The following CLMN variants were observed in gnomAD, a reference collection of about 807,000 sequenced individuals.
The protein encoded by CLMN is calmin (calponin-like, transmembrane).
A neutral mutation model predicts 92.7 loss-of-function variants in CLMN; 57 were observed. The observed-to-expected ratio is 0.61, with a 90% CI of 0.50 to 0.77. The LOEUF (loss-of-function observed/expected upper bound fraction) is 0.77. Among genes scored for constraint, CLMN ranks in the 30% least tolerant of loss-of-function variants. The pLI, the probability that CLMN is intolerant of heterozygous loss-of-function variation, is 0.00. For synonymous variants in CLMN, 466 were observed against 470.6 expected (o/e 0.99, Z 0.13); for missense variants, 1,158 against 1,237.5 (o/e 0.94, Z 0.96).
chr14:95,269,399 G>T (rs1445073577), intron 1 of CLMN, among the ~76,000 whole-genome samples: 2 of 152,004 alleles, frequency 1.3e-5, no homozygotes, highest in Admixed American at 6.5e-5. Context: ...TATTCAATAT[G>T]AGTATAATAT....
rs1896484018 is a variant in CLMN at position 95,188,230 on chromosome 14, C to T, written c.*3334G>A. 1 of 152,082 alleles carries T rather than the reference C, an allele frequency of 6.6e-6. No homozygotes were observed. Among genetic ancestry groups the T allele is most frequent in the East Asian group, 1.9e-4 (1 of 5,196 alleles). 9.4% of individuals were successfully genotyped at this position (152,082 alleles called of 1,614,324 possible). On this transcript the variant is annotated 3_prime_UTR_variant, in exon 13 of 13. Transcript: ENST00000298912. Reference sequence around the variant, plus strand: ...GATCACCATATATTTGAGAAAAATTCACAACGTGAAAGATAGAGACTGAGA... The same window carrying T: ...GATCACCATATATTTGAGAAAAATTTACAACGTGAAAGATAGAGACTGAGA...
chr14:95,193,735 A>G (rs1356126974), intron 12 of CLMN, 114 bp downstream of exon 12: 5 of 1,277,946 alleles, frequency 3.9e-6, no homozygotes, highest in Non-Finnish European at 5.5e-6. Flanking sequence ...ATCCCAAATT[A>G]TTAATACTGT....
Position 95,294,842 on chromosome 14 carries a change from C to T in CLMN, c.82+24869G>A, listed in dbSNP as rs982531910. ...GGCCACATCACTTATTCCTCTGCTG[C>T]CTCCTACTCTTGCTCCCGCTCCTTA... On this transcript the variant is annotated intron_variant, in intron 1 of 12. Transcript: ENST00000298912. This position sits in a 1 kb window ranked among gnomAD's most constrained non-coding sequence, Gnocchi z 4.2. 6.6e-6 allele frequency among the ~76,000 whole-genome samples: 1 copy of T among 152,226 alleles called. No individual in the cohort carries two copies. Among genetic ancestry groups the T allele is most frequent in the Non-Finnish European group, 1.5e-5 (1 of 68,030 alleles).
chr14:95,245,210 A>ATATATATATATATTATATATATATATAT (rs1369585311), intron 1 of CLMN, among the ~76,000 whole-genome samples: 1 of 24,176 alleles, frequency 4.1e-5, no homozygotes, highest in Non-Finnish European at 6.4e-5. Context: ...TATATATATT[A>ATATATATATATATTATATATATATATAT]TATATATATA....
intron 1 of CLMN, among the ~76,000 whole-genome samples, chr14:95,267,732 T>C (rs1189020484): frequency 1.3e-5 from 2 of 152,228 alleles, no homozygotes; most frequent in Non-Finnish European, 2.9e-5. Flanking sequence ...CATATTTATT[T>C]CAGCACTATT....
chr14:95,238,109 C>G (rs572511168), intron 1 of CLMN, among the ~76,000 whole-genome samples: 1 of 152,294 alleles, frequency 6.6e-6, no homozygotes, highest in Admixed American at 6.5e-5. Context: ...AGCCCTCAGA[C>G]GGCCCCTGCC....
At position 95,232,930 on chromosome 14, in the gene CLMN, G is replaced by A. The variant is rs149168662; in HGVS notation, c.83-2797C>T. Among the ~76,000 whole-genome samples the A allele has an allele frequency of 8.1e-4, 124 of 152,274 alleles. 2 individuals carry two copies. In the East Asian group the frequency reaches 0.016, roughly 19 times the overall value. Reference sequence around the variant, plus strand: ...GAAACAAGCATTGTATGAGCATCCTGGTTCTTTGTGCACAAACATATGAAT... The same window carrying A: ...GAAACAAGCATTGTATGAGCATCCTAGTTCTTTGTGCACAAACATATGAAT... On this transcript the variant is annotated intron_variant, in intron 1 of 12. Coordinates refer to ENST00000298912, the MANE Select transcript of CLMN (RefSeq NM_024734.4).
rs1404541179 is a variant in CLMN at position 95,204,253 on chromosome 14, C to T, written c.1096G>A (p.Gly366Ser). ...TCTGACAGCGCATGGCTGGAAACAC[C>T]ATCCAGGCGGAATTCCTTCATGCTC... ...PESMKEFRLD[G>S]VSSHALSDSS... The change falls in exon 9 of 13, where the codon GGT becomes AGT. Residue 366 changes from glycine (G) to serine (S), a missense_variant. Gly to Ser is a moderately conservative substitution (Grantham distance 56, BLOSUM62 0). Coordinates refer to ENST00000298912, the MANE Select transcript of CLMN (RefSeq NM_024734.4). 2.5e-6 allele frequency: 4 copies of T among 1,613,946 alleles called. No individual in the cohort carries two copies. The highest frequency in any genetic ancestry group is 2.5e-6 in the Non-Finnish European group (3 of 1,180,018).
chr14:95,281,078 T>C (rs1900127852), intron 1 of CLMN, among the ~76,000 whole-genome samples: 4 of 152,192 alleles, frequency 2.6e-5, no homozygotes, highest in Non-Finnish European at 5.9e-5. Context: ...AATATATTCA[T>C]AAATACCAGG....
chr14:95,248,735 A>G lies in CLMN; in HGVS notation c.83-18602T>C, dbSNP rs115065420. On this transcript the variant is annotated intron_variant, in intron 1 of 12. Transcript: ENST00000298912. ...AGTTCTTCCCTTCTGCAAGGGAAGA[A>G]TCCTGTCTTCAAAGTCTAAATGCCA... Among the ~76,000 whole-genome samples the G allele has an allele frequency of 5.7e-3, 865 of 152,322 alleles. 7 individuals are homozygous for G. The highest frequency in any genetic ancestry group is 0.02 in the African/African-American group (832 of 41,562).
At chr14:95,196,009 G>A (rs1595553100) in intron 10 of CLMN, among the ~76,000 whole-genome samples, 1 of 152,154 alleles carries the variant, frequency 6.6e-6, no homozygotes, top group African/African-American at 2.4e-5. Flanking sequence ...CTTGGAATGG[G>A]AATTGTGGAA....
intron 1 of CLMN, among the ~76,000 whole-genome samples, chr14:95,303,301 G>T (rs1470839145): frequency 1.3e-5 from 2 of 152,084 alleles, no homozygotes; most frequent in Non-Finnish European, 2.9e-5. Context: ...TCTCCCAAGG[G>T]GCCAAAGCAC....
intron 1 of CLMN, among the ~76,000 whole-genome samples, chr14:95,302,941 G>T (rs1295059821): frequency 6.6e-6 from 1 of 152,220 alleles, no homozygotes; most frequent in African/African-American, 2.4e-5. Flanking sequence ...GATAAGGGCT[G>T]CAGGATAAGC....
At chr14:95,192,072 G>GC (rs1896576605) in intron 12 of CLMN, 3 of 197,288 alleles carry the variant, frequency 1.5e-5, no homozygotes, top group Non-Finnish European at 3.1e-5. Flanking sequence ...CAGAGAGGGC[G>GC]CCTAGGCCAG....
chr14:95,234,043 A>T (rs921339088), intron 1 of CLMN, among the ~76,000 whole-genome samples: 1 of 152,226 alleles, frequency 6.6e-6, no homozygotes. Flanking sequence ...AATACACAGG[A>T]GAGACTGCGA....
chr14:95,201,940 T>C (rs948269630), intron 9 of CLMN, among the ~76,000 whole-genome samples: 2 of 152,256 alleles, frequency 1.3e-5, no homozygotes, highest in Non-Finnish European at 2.9e-5. Context: ...TAGTATTCCA[T>C]GGTATATATG....
At position 95,191,508 on chromosome 14, in the gene CLMN, G is replaced by T; in HGVS notation, c.*56C>A. 2 of 1,488,292 alleles carry T rather than the reference G, an allele frequency of 1.3e-6. No individual in the cohort carries two copies. Among genetic ancestry groups the T allele is most frequent in the Non-Finnish European group, 9.0e-7 (1 of 1,109,230 alleles). 92.2% of individuals were successfully genotyped at this position (1,488,292 alleles called of 1,614,324 possible). ...CCCCACCCAGAACCCAAAATAAAAT[G>T]AAGTAACCCCGCCCCTGGTCAGGGT... On this transcript the variant is annotated 3_prime_UTR_variant, in exon 13 of 13. Coordinates refer to ENST00000298912, the MANE Select transcript of CLMN (RefSeq NM_024734.4). The surrounding 1 kb of genome is among the most constrained non-coding windows in gnomAD (Gnocchi z 5.3).
chr14:95,297,364 T>C (rs754773641), intron 1 of CLMN, among the ~76,000 whole-genome samples: 23 of 152,224 alleles, frequency 1.5e-4, no homozygotes, highest in Non-Finnish European at 3.2e-4. Context: ...ATCAGATTTA[T>C]TGAAGTCTAA....
intron 1 of CLMN, among the ~76,000 whole-genome samples, chr14:95,306,203 C>T (rs1901269021): frequency 6.6e-6 from 1 of 152,066 alleles, no homozygotes; most frequent in Non-Finnish European, 1.5e-5. Flanking sequence ...AGTCAGAGGC[C>T]CCAGACTTGC....
Sources: gnomAD v4.1 joint callset for allele counts (sites outside exome capture counted in the v4.1 genomes callset) on GRCh38, gnomAD v4.1.1 for gene constraint, Gnocchi (gnomAD v3.1) non-coding constraint, MANE v1.5 for transcripts, NCBI Gene and HGNC (gene_info 2026-07-23, HGNC 2026-07-21) for gene names.